PECR: variants seen among roughly 807,000 people sequenced by gnomAD.
PECR encodes 2,4-dienoyl-CoA reductase-related protein.
PECR carries 30 observed loss-of-function variants against 35.3 expected under a neutral mutation model. The ratio of observed to expected loss-of-function variants is 0.85; its 90% CI spans 0.64 to 1.15. The LOEUF is 1.15. Ranked by LOEUF, PECR falls within the 50% of genes most tolerant of loss-of-function variation. The pLI is 0.00. For missense variants in PECR, 392 were observed against 370.8 expected, an observed-to-expected ratio of 1.06 and a Z score of -0.47; for synonymous variants, 148 against 138.9, an observed-to-expected ratio of 1.07 and a Z score of -0.46.
At chr2:216,042,403 A>G (rs1694903255) in intron 7 of PECR, among the ~76,000 whole-genome samples, 1 of 152,254 alleles carries the variant, frequency 6.6e-6, no homozygotes, top group South Asian at 2.1e-4. Flanking sequence ...TCAGACTGTC[A>G]GCACCTGAAA....
At chr2:216,052,780 A>T (rs1353166690) in intron 4 of PECR, among the ~76,000 whole-genome samples, 2 of 152,128 alleles carry the variant, frequency 1.3e-5, no homozygotes, top group Non-Finnish European at 2.9e-5. Flanking sequence ...AGTGTCTTCA[A>T]ATTTTTTTCC....
downstream of PECR, among the ~76,000 whole-genome samples, chr2:216,034,602 G>T (rs62181274): frequency 3.3e-5 from 5 of 151,986 alleles, no homozygotes; most frequent in African/African-American, 1.2e-4. Flanking sequence ...GCCCCGTGAT[G>T]GTGGAGATGG....
At chr2:216,048,825 G>C (rs1314197200) in intron 6 of PECR, among the ~76,000 whole-genome samples, 1 of 120,588 alleles carries the variant, frequency 8.3e-6, no homozygotes, top group Admixed American at 1.0e-4. Context: ...CTGTAACAGA[G>C]TGAAACACTG....
intron 1 of PECR, among the ~76,000 whole-genome samples, chr2:216,075,646 G>A (rs560493328): frequency 1.3e-5 from 2 of 152,272 alleles, no homozygotes; most frequent in South Asian, 2.1e-4. Flanking sequence ...GCTTAGAATA[G>A]GTATAGAAGT....
chr2:216,059,598 T>C (rs1303878142), intron 3 of PECR, among the ~76,000 whole-genome samples: 1 of 152,216 alleles, frequency 6.6e-6, no homozygotes, highest in Non-Finnish European at 1.5e-5. Flanking sequence ...TGCCAAATGG[T>C]TTTCCAAAGT....
intron 3 of PECR, among the ~76,000 whole-genome samples, chr2:216,059,317 T>G (rs983433573): frequency 1.3e-5 from 2 of 152,234 alleles, no homozygotes; most frequent in Non-Finnish European, 2.9e-5. Flanking sequence ...CCTTTACCTT[T>G]TCGAAAATCT....
At chr2:216,056,285 C>T (rs1553561625) in intron 4 of PECR, among the ~76,000 whole-genome samples, 1 of 152,268 alleles carries the variant, frequency 6.6e-6, no homozygotes, top group Non-Finnish European at 1.5e-5. Flanking sequence ...GACATTCATC[C>T]TCCTCTTCTA....
chr2:216,051,099 A>C (rs189641783), intron 5 of PECR, among the ~76,000 whole-genome samples: 127 of 151,450 alleles, frequency 8.4e-4, no homozygotes, highest in African/African-American at 3.0e-3. Flanking sequence ...CACCCAGGGC[A>C]ATATGGTGAA....
intron 1 of PECR, among the ~76,000 whole-genome samples, chr2:216,074,998 T>C (rs1020196775): frequency 6.6e-6 from 1 of 152,102 alleles, no homozygotes; most frequent in African/African-American, 2.4e-5. Context: ...ACACAAGATA[T>C]GGGCCAGGCA....
At chr2:216,061,094 C>A (rs1183415163) in intron 3 of PECR, among the ~76,000 whole-genome samples, 1 of 139,802 alleles carries the variant, frequency 7.2e-6, no homozygotes, top group Non-Finnish European at 1.5e-5. Context: ...GAGTTTGAGA[C>A]CAGCCTCGGC....
chr2:216,029,205 C>T (rs1351167430), intron 7 of PECR, among the ~76,000 whole-genome samples: 25 of 152,064 alleles, frequency 1.6e-4, no homozygotes, highest in Non-Finnish European at 4.4e-5. Flanking sequence ...GCTGGCCAGG[C>T]GTGGTGGCTC....
At chr2:216,048,136 G>A (rs1330281077) in intron 6 of PECR, among the ~76,000 whole-genome samples, 1 of 151,706 alleles carries the variant, frequency 6.6e-6, no homozygotes, top group African/African-American at 2.4e-5. Context: ...GTGCAGTGGT[G>A]CAATCTCAGC....
At chr2:216,074,541 A>AAGGAAGGAAGG (rs1559219583) in intron 1 of PECR, among the ~76,000 whole-genome samples, 5 of 81,854 alleles carry the variant, frequency 6.1e-5, no homozygotes, top group East Asian at 1.0e-3. Flanking sequence ...AGGAAGGAAG[A>AAGGAAGGAAGG]AAGGAAGGAA....
At position 216,039,427 on chromosome 2, in the gene PECR, T is replaced by C. The variant is rs139095261; in HGVS notation, c.827-67A>G. The C allele has an allele frequency of 8.4e-4, 732 of 871,012 alleles. 6 individuals carry two copies. In the African/African-American group the frequency reaches 0.011, roughly 13 times the overall value. 54.0% of individuals were successfully genotyped at this position (871,012 alleles called of 1,614,324 possible). On this transcript the variant is annotated intron_variant, in intron 7 of 7. Coordinates refer to ENST00000265322, the MANE Select transcript of PECR (RefSeq NM_018441.6). ...ATTTGCCCTCTTCACTCCCACCAAATCCTCTTGTTAATTTCCCTGGTTCAC... is the reference window on the plus strand; with the variant it reads ...ATTTGCCCTCTTCACTCCCACCAAACCCTCTTGTTAATTTCCCTGGTTCAC...
chr2:216,029,540 G>A (rs918971445), intron 7 of PECR, among the ~76,000 whole-genome samples: 2 of 152,188 alleles, frequency 1.3e-5, no homozygotes, highest in African/African-American at 2.4e-5. Flanking sequence ...AAGGCAGAAG[G>A]TGCTTATGCA....
chr2:216,081,348 G>C (rs952689500), intron 1 of PECR, among the ~76,000 whole-genome samples: 3 of 152,216 alleles, frequency 2.0e-5, no homozygotes, highest in African/African-American at 7.2e-5. Context: ...TAATTGCACA[G>C]CATGTTTCAC....
At chr2:216,035,855 A>G (rs950193360), downstream of PECR, among the ~76,000 whole-genome samples, 1 of 151,998 alleles carries the variant, frequency 6.6e-6, no homozygotes, top group Non-Finnish European at 1.5e-5. Flanking sequence ...TGCTATTCTC[A>G]TGTTCAAGTT....
intron 6 of PECR, 145 bp from the exon 7 acceptor site, chr2:216,044,160 T>A (rs1431971102): frequency 4.5e-6 from 3 of 664,274 alleles, no homozygotes; most frequent in East Asian, 2.9e-5. Context: ...AACCTCACAG[T>A]ACATAGACAA....
downstream of PECR, among the ~76,000 whole-genome samples, chr2:216,037,000 T>C (rs907109474): frequency 6.6e-6 from 1 of 152,216 alleles, no homozygotes; most frequent in African/African-American, 2.4e-5. Context: ...GTGTTCTCTC[T>C]CTTTCTCTCA....
Sources: allele counts gnomAD v4.1 joint callset (sites outside exome capture counted in the v4.1 genomes callset), GRCh38; gene constraint gnomAD v4.1.1; transcripts MANE v1.5; gene names NCBI Gene and HGNC (gene_info 2026-07-23, HGNC 2026-07-21).